The following SMURF2 variants were observed in gnomAD, a reference collection of about 807,000 sequenced individuals.
SMURF2 encodes the protein E3 ubiquitin-protein ligase SMURF2.
SMURF2 carries 48 observed loss-of-function variants against 109.6 expected under a neutral mutation model. The observed-to-expected ratio is 0.44, with a 90% CI of 0.35 to 0.56. The LOEUF is 0.56. SMURF2 is among the 20% of genes least tolerant of loss of function. SMURF2 has a pLI of 0.01. For missense variants in SMURF2, 575 were observed against 909.0 expected (o/e 0.63, Z 4.72); for synonymous variants, 288 against 317.1 (o/e 0.91, Z 0.97).
intron 1 of SMURF2, among the ~76,000 whole-genome samples, chr17:64,654,833 AAAT>A (rs1415870084): frequency 6.6e-6 from 1 of 151,938 alleles, no homozygotes. Flanking sequence ...CAGTATCAAA[AAAT>A]AATAATAATA....
intron 3 of SMURF2, among the ~76,000 whole-genome samples, chr17:64,596,313 G>T (rs559706815): frequency 1.3e-5 from 2 of 151,920 alleles, no homozygotes; most frequent in Non-Finnish European, 2.9e-5. Flanking sequence ...TAACGTGGAT[G>T]CTAGGAAATT....
rs11870850 is a variant in SMURF2 at position 64,622,246 on chromosome 17, A to T, written c.53-15606T>A. Among the ~76,000 whole-genome samples the T allele has an allele frequency of 7.1e-3, 1,079 of 152,146 alleles. 11 individuals carry two copies. Among genetic ancestry groups the T allele is most frequent in the Non-Finnish European group, 0.012 (804 of 67,986 alleles). On this transcript the variant is annotated intron_variant, in intron 1 of 18. Coordinates refer to ENST00000262435, the MANE Select transcript of SMURF2 (RefSeq NM_022739.4). ...AGTTTCAGATTTACAGAAAAGTTACAAAGTTAGTACAGTGTTCCCACATAT... is the reference window on the plus strand; with the variant it reads ...AGTTTCAGATTTACAGAAAAGTTACTAAGTTAGTACAGTGTTCCCACATAT...
At chr17:64,626,078 G>A (rs888188633) in intron 1 of SMURF2, among the ~76,000 whole-genome samples, 4 of 150,454 alleles carry the variant, frequency 2.7e-5, no homozygotes, top group Non-Finnish European at 1.5e-5. Flanking sequence ...GTTCGAGACC[G>A]AAACCCCATC....
chr17:64,654,283 C>T (rs182664809), intron 1 of SMURF2, among the ~76,000 whole-genome samples: 13 of 152,196 alleles, frequency 8.5e-5, no homozygotes, highest in African/African-American at 3.1e-4. Flanking sequence ...TTCAGATTAT[C>T]TGTTGACACT....
chr17:64,623,570 G>C (rs529804966), intron 1 of SMURF2, among the ~76,000 whole-genome samples: 10 of 152,314 alleles, frequency 6.6e-5, no homozygotes, highest in Middle Eastern at 3.4e-3. Context: ...TCGCAAGCCA[G>C]AAGTTTTGTT....
chr17:64,624,373 A>G (rs1555690981), intron 1 of SMURF2, among the ~76,000 whole-genome samples: 1 of 149,720 alleles, frequency 6.7e-6, no homozygotes, highest in African/African-American at 2.5e-5. Context: ...TTGCTCTGTC[A>G]TCCAAACTGG....
At chr17:64,570,856 C>CT (rs1969387855) in intron 10 of SMURF2, among the ~76,000 whole-genome samples, 1 of 152,198 alleles carries the variant, frequency 6.6e-6, no homozygotes. Flanking sequence ...TCACAGCTCA[C>CT]TGCAGCCACG....
At chr17:64,580,621 T>C (rs981087979) in intron 8 of SMURF2, among the ~76,000 whole-genome samples, 168 bp downstream of exon 8, 2 of 152,218 alleles carry the variant, frequency 1.3e-5, no homozygotes, top group African/African-American at 2.4e-5. Context: ...GTTGGTTAGG[T>C]AGTCATCTAC....
chr17:64,559,622 C>A (rs542626119), intron 12 of SMURF2, among the ~76,000 whole-genome samples: 3 of 151,106 alleles, frequency 2.0e-5, no homozygotes, highest in Non-Finnish European at 4.4e-5. Flanking sequence ...AAACTGACTA[C>A]GAGCCAGGCA....
chr17:64,572,781 A>C (rs1969416509), intron 9 of SMURF2: 1 of 152,210 alleles, frequency 6.6e-6, no homozygotes, highest in African/African-American at 2.4e-5. Flanking sequence ...CATTGCTTCC[A>C]TTTGGCTGTT....
At chr17:64,573,252 GGGAGGA>G (rs199836561) in intron 9 of SMURF2, among the ~76,000 whole-genome samples, 92 of 22,180 alleles carry the variant, frequency 4.1e-3, no homozygotes, top group Admixed American at 8.2e-3. Flanking sequence ...GGAGGAGGAG[GGGAGGA>G]GGAGGAGGAG....
chr17:64,656,491 GCTTATA>G lies in SMURF2; in HGVS notation c.52+5332_52+5337del, dbSNP rs1970707386. Among the ~76,000 whole-genome samples the G allele has an allele frequency of 2.0e-5, 3 of 152,126 alleles. No homozygotes were observed. In the South Asian group the frequency reaches 6.2e-4, roughly 31 times the overall value. On this transcript the variant is annotated intron_variant, in intron 1 of 18. Transcript: ENST00000262435. ...TAGCAAAAAATGTAAAATGCAATTA[GCTTATA>G]CTTATAACAGAATAGTAAAAAGGGA...
chr17:64,598,152 TCTA>T (rs1969844105), intron 3 of SMURF2, among the ~76,000 whole-genome samples: 1 of 152,214 alleles, frequency 6.6e-6, no homozygotes, highest in South Asian at 2.1e-4. Context: ...GGGGGATTGC[TCTA>T]CTGTGAGCCA....
intron 11 of SMURF2, 32 bp downstream of exon 11, chr17:64,562,739 A>T (rs782412486): frequency 6.9e-6 from 11 of 1,595,154 alleles, no homozygotes; most frequent in South Asian, 5.6e-5. Context: ...GGAAAAAAAA[A>T]TAGTAAAACA....
chr17:64,659,342 T>G (rs1369137586), intron 1 of SMURF2, among the ~76,000 whole-genome samples: 2 of 152,164 alleles, frequency 1.3e-5, no homozygotes, highest in Non-Finnish European at 2.9e-5. Context: ...AACAATAATT[T>G]TAAAACACCT....
intron 6 of SMURF2, 65 bp downstream of exon 6, chr17:64,586,019 CTT>C: frequency 1.9e-6 from 2 of 1,041,248 alleles, no homozygotes; most frequent in African/African-American, 1.6e-5. Flanking sequence ...TAAACACCCA[CTT>C]ATTTCTATTC....
At chr17:64,631,619 C>T (rs1394539894) in intron 1 of SMURF2, among the ~76,000 whole-genome samples, 6 of 152,068 alleles carry the variant, frequency 3.9e-5, no homozygotes, top group Non-Finnish European at 8.8e-5. Context: ...CTAAAATCTC[C>T]TCTCTCAGAA....
chr17:64,628,458 G>A (rs1970295411), intron 1 of SMURF2, among the ~76,000 whole-genome samples: 1 of 152,110 alleles, frequency 6.6e-6, no homozygotes, highest in Admixed American at 6.6e-5. Flanking sequence ...ATCCTGTCAG[G>A]ACTCCTGAAT....
intron 2 of SMURF2, among the ~76,000 whole-genome samples, chr17:64,600,021 T>C (rs1969872217): frequency 6.6e-6 from 1 of 152,136 alleles, no homozygotes; most frequent in Admixed American, 6.5e-5. Context: ...TTGAGGTAGA[T>C]AACAGGGAGC....
Sources: allele counts gnomAD v4.1 joint callset (sites outside exome capture counted in the v4.1 genomes callset), GRCh38; gene constraint gnomAD v4.1.1; transcripts MANE v1.5; gene names NCBI Gene and HGNC (gene_info 2026-07-23, HGNC 2026-07-21).